The following BICC1 variants were observed in gnomAD, a reference collection of about 807,000 sequenced individuals.
The protein encoded by BICC1 is protein bicaudal C homolog 1.
Under a neutral mutation model 111.0 loss-of-function variants are expected in BICC1, and 43 were observed. That is an observed-to-expected ratio of 0.39 (90% CI 0.30 to 0.50). BICC1 has a LOEUF of 0.50. BICC1 is among the 20% of genes least tolerant of loss of function. The pLI, the probability that BICC1 is intolerant of heterozygous loss-of-function variation, is 0.88. For synonymous variants in BICC1, 467 were observed against 434.4 expected (o/e 1.07, Z -0.93); for missense variants, 1,091 against 1,203.2 (o/e 0.91, Z 1.38).
intron 20 of BICC1, chr10:58,823,620 A>G (rs1276066454): frequency 1.0e-6 from 1 of 985,182 alleles, no homozygotes; most frequent in African/African-American, 1.7e-5. Flanking sequence ...AGTTGTTGTC[A>G]TGTGCTCAGT....
chr10:58,762,464 A>G (rs2132687311), intron 3 of BICC1, among the ~76,000 whole-genome samples: 1 of 152,262 alleles, frequency 6.6e-6, no homozygotes, highest in South Asian at 2.1e-4. Context: ...TACATGATGT[A>G]GTATCTGGCC....
intron 3 of BICC1, among the ~76,000 whole-genome samples, chr10:58,743,621 T>C (rs376612505): frequency 6.0e-4 from 92 of 152,132 alleles, no homozygotes; most frequent in African/African-American, 2.1e-3. Flanking sequence ...TATGGTCTTA[T>C]CATGCTAGCT....
At chr10:58,582,742 G>A (rs1371348694) in intron 1 of BICC1, among the ~76,000 whole-genome samples, 3 of 152,118 alleles carry the variant, frequency 2.0e-5, no homozygotes, top group Admixed American at 6.6e-5. Flanking sequence ...GCTTTTGGAG[G>A]CCACCTGCAT....
Position 58,759,970 on chromosome 10 carries a change from A to G in BICC1, c.308-25031A>G, listed in dbSNP as rs112108212. 1.2e-3 allele frequency among the ~76,000 whole-genome samples: 10 copies of G among 8,692 alleles called. No homozygotes were observed. In the South Asian group the frequency reaches 0.061, roughly 53 times the overall value. 5.7% of individuals were successfully genotyped at this position (8,692 alleles called of 152,430 possible). ...TGAGACTCGTCTCAAAAGAAAAAGA[A>G]AAAAAAAAAAAAAAGAAGACAGCAA... On this transcript the variant is annotated intron_variant, in intron 3 of 20. Coordinates refer to ENST00000373886, the MANE Select transcript of BICC1 (RefSeq NM_001080512.3).
chr10:58,698,266 G>A (rs1281808929), intron 2 of BICC1, among the ~76,000 whole-genome samples: 2 of 152,158 alleles, frequency 1.3e-5, no homozygotes, highest in African/African-American at 4.8e-5. Flanking sequence ...GGGATGACAA[G>A]AGACACGTTA....
intron 20 of BICC1, chr10:58,823,658 A>G (rs894031777): frequency 4.5e-5 from 44 of 984,998 alleles, no homozygotes; most frequent in Admixed American, 1.2e-4. Flanking sequence ...CTAAAGGAGA[A>G]TGTTGTTTGG....
intron 2 of BICC1, among the ~76,000 whole-genome samples, chr10:58,636,144 T>G (rs2132192394): frequency 6.6e-6 from 1 of 152,334 alleles, no homozygotes; most frequent in East Asian, 1.9e-4. Flanking sequence ...ATTGTGATGT[T>G]GTGGGACTGT....
chr10:58,515,140 A>C (rs1842207773), intron 1 of BICC1, among the ~76,000 whole-genome samples: 1 of 152,218 alleles, frequency 6.6e-6, no homozygotes, highest in Non-Finnish European at 1.5e-5. Context: ...GAAAATTTGA[A>C]GGCTCTTTTG....
At chr10:58,742,547 C>G (rs181128783) in intron 3 of BICC1, among the ~76,000 whole-genome samples, 10 of 150,886 alleles carry the variant, frequency 6.6e-5, no homozygotes, top group African/African-American at 2.4e-4. Context: ...AAGCAGCTCT[C>G]CTGCCCCAGC....
intron 1 of BICC1, among the ~76,000 whole-genome samples, chr10:58,542,494 C>T (rs548124617): frequency 1.3e-5 from 2 of 152,138 alleles, no homozygotes; most frequent in South Asian, 2.1e-4. Flanking sequence ...AAAGCACAGG[C>T]ACCAGAAGCA....
At chr10:58,719,727 A>T (rs1427773252) in intron 3 of BICC1, among the ~76,000 whole-genome samples, 1 of 152,202 alleles carries the variant, frequency 6.6e-6, no homozygotes, top group Non-Finnish European at 1.5e-5. Flanking sequence ...GCCTGCCAGA[A>T]AGTTGGAGTG....
chr10:58,775,908 A>G (rs1248099568), intron 3 of BICC1, among the ~76,000 whole-genome samples: 1 of 152,230 alleles, frequency 6.6e-6, no homozygotes, highest in African/African-American at 2.4e-5. Flanking sequence ...TCTTTAGCAC[A>G]CAGAGTCAAT....
chr10:58,690,596 TTGTC>T (rs1839881404), intron 2 of BICC1, among the ~76,000 whole-genome samples: 1 of 152,186 alleles, frequency 6.6e-6, no homozygotes, highest in South Asian at 2.1e-4. Flanking sequence ...TATTTACTCT[TTGTC>T]TGGAAGCACC....
intron 3 of BICC1, among the ~76,000 whole-genome samples, chr10:58,737,507 A>G (rs1416062017): frequency 2.0e-5 from 3 of 152,204 alleles, no homozygotes; most frequent in Admixed American, 2.0e-4. Context: ...ATTGATGGAC[A>G]TTTGGGTTGG....
chr10:58,733,019 T>C (rs964599132), intron 3 of BICC1, among the ~76,000 whole-genome samples: 5 of 11,058 alleles, frequency 4.5e-4, no homozygotes, highest in Non-Finnish European at 8.9e-4. Flanking sequence ...ACCTTAAATT[T>C]GTTTAAAAAA....
chr10:58,600,352 C>T (rs1396136938), intron 1 of BICC1, among the ~76,000 whole-genome samples: 2 of 152,006 alleles, frequency 1.3e-5, no homozygotes, highest in African/African-American at 2.4e-5. Context: ...CTGCATTTTA[C>T]GTGTTGTGAG....
chr10:58,671,522 C>T (rs1363921804), intron 2 of BICC1, among the ~76,000 whole-genome samples: 1 of 152,020 alleles, frequency 6.6e-6, no homozygotes, highest in Non-Finnish European at 1.5e-5. Flanking sequence ...TAGTTATGTG[C>T]CTTGGGTGTT....
chr10:58,551,957 T>G (rs1274367578), intron 1 of BICC1, among the ~76,000 whole-genome samples: 1 of 103,886 alleles, frequency 9.6e-6, no homozygotes, highest in African/African-American at 4.6e-5. Context: ...TAAAGACAAG[T>G]TTTTTTTGGG....
At chr10:58,759,136 T>C (rs1223501440) in intron 3 of BICC1, among the ~76,000 whole-genome samples, 1 of 151,810 alleles carries the variant, frequency 6.6e-6, no homozygotes, top group Non-Finnish European at 1.5e-5. Context: ...ATTTTTGTAT[T>C]TTTAGTAGGG....
Sources: gnomAD v4.1 joint callset for allele counts (sites outside exome capture counted in the v4.1 genomes callset) on GRCh38, gnomAD v4.1.1 for gene constraint, MANE v1.5 for transcripts, NCBI Gene and HGNC (gene_info 2026-07-23, HGNC 2026-07-21) for gene names.